Variants in OTUB2 observed in about 807,000 individuals in gnomAD.
OTUB2 encodes the protein ubiquitin thioesterase OTUB2.
In OTUB2, 21 loss-of-function variants were observed where a neutral mutation model predicts 25.1. The observed-to-expected ratio is 0.84, with a 90% CI of 0.59 to 1.21. OTUB2 has a LOEUF of 1.21. Ranked by LOEUF, OTUB2 falls within the 50% of genes most tolerant of loss-of-function variation. The pLI is 0.00. For synonymous variants in OTUB2, 122 were observed against 122.8 expected, an observed-to-expected ratio of 0.99 and a Z score of 0.04; for missense variants, 283 against 298.0, an observed-to-expected ratio of 0.95 and a Z score of 0.37.
chr14:94,035,172 C>T, intron 1 of OTUB2, among the ~76,000 whole-genome samples: 1 of 151,978 alleles, frequency 6.6e-6, no homozygotes, highest in Admixed American at 6.5e-5. Flanking sequence ...AGAGTGGAAG[C>T]TTCTGGAAGC....
At chr14:94,042,385 C>T (rs1885179108) in intron 3 of OTUB2, among the ~76,000 whole-genome samples, 1 of 151,830 alleles carries the variant, frequency 6.6e-6, no homozygotes, top group Non-Finnish European at 1.5e-5. Context: ...CCCCTTCTGA[C>T]AGAGCCTACG....
chr14:94,044,589 TAC>T lies in OTUB2; in HGVS notation c.309_310del (p.Tyr103Ter), dbSNP rs746417110. The stretch of plus-strand genomic sequence containing the variant: ...GCTGAGGGCCGGGCGGGCGCAGTTT[TAC>T]AGTGTGGTGGAACTGGTAGAGAAGG... ...HKFRNFFNAFYSVVELVEKDG... is the reference protein window; with the variant it reads ...HKFRNFFNAFXSVVELVEKDG... On this transcript the variant is annotated frameshift_variant, in exon 5 of 6. Transcript: ENST00000203664. LOFTEE classifies it high-confidence loss of function. The T allele has an allele frequency of 1.2e-6, 2 of 1,611,402 alleles. No homozygotes were observed. The highest frequency in any genetic ancestry group is 1.3e-5 in the African/African-American group (1 of 75,014).
Position 94,045,769 on chromosome 14 carries a change from G to T in OTUB2, c.552G>T (p.Ser184=). The T allele has an allele frequency of 6.2e-7, 1 of 1,614,174 alleles. No individual in the cohort carries two copies. Among genetic ancestry groups the T allele is most frequent in the Non-Finnish European group, 8.5e-7 (1 of 1,180,026 alleles). ...ACCACATCCAGATCACGGCGTTGTC[G>T]CAGGCCCTGAGCATTGCCCTGCAAG... ...ECDHIQITAL[S]QALSIALQVE... is the part of the protein sequence containing the mutation. The change falls in exon 6 of 6, where the codon TCG becomes TCT. Residue 184 remains serine (S), a synonymous_variant. Coordinates refer to ENST00000203664, the MANE Select transcript of OTUB2 (RefSeq NM_023112.4).
At chr14:94,039,748 C>A (rs1885124095) in intron 3 of OTUB2, among the ~76,000 whole-genome samples, 1 of 152,206 alleles carries the variant, frequency 6.6e-6, no homozygotes, top group Admixed American at 6.5e-5. Flanking sequence ...GGGCCTCAAA[C>A]CACGCTTTGA....
intron 1 of OTUB2, among the ~76,000 whole-genome samples, chr14:94,034,644 A>G (rs1408094167): frequency 2.0e-5 from 3 of 152,220 alleles, no homozygotes; most frequent in Non-Finnish European, 4.4e-5. Flanking sequence ...TAGTATTTGC[A>G]CAATAATGGC....
chr14:94,035,904 C>T (rs529819121), intron 1 of OTUB2, among the ~76,000 whole-genome samples: 1 of 152,218 alleles, frequency 6.6e-6, no homozygotes, highest in East Asian at 1.9e-4. Flanking sequence ...CCAAAAACAC[C>T]CCTGCCCAGT....
chr14:94,038,123 C>T (rs1302505808), intron 2 of OTUB2, among the ~76,000 whole-genome samples: 5 of 152,286 alleles, frequency 3.3e-5, no homozygotes, highest in East Asian at 1.9e-4. Flanking sequence ...CTCTCAGACA[C>T]GCAGCACCGT....
At chr14:94,026,608 A>C in intron 1 of OTUB2, 68 bp downstream of exon 1, 112 of 994,532 alleles carry the variant, frequency 1.1e-4, no homozygotes, top group Non-Finnish European at 1.4e-4. Flanking sequence ...TCGCTGCCGG[A>C]GCGGGTGCAC....
intron 3 of OTUB2, 86 bp from the exon 4 acceptor site, chr14:94,043,885 A>C (rs771470363): frequency 3.2e-6 from 4 of 1,234,050 alleles, no homozygotes; most frequent in Non-Finnish European, 4.8e-6. Context: ...TGGTGGGCGC[A>C]GTGGGTTGAG....
intron 3 of OTUB2, among the ~76,000 whole-genome samples, chr14:94,042,167 G>A (rs1438295837): frequency 6.6e-6 from 1 of 152,232 alleles, no homozygotes; most frequent in African/African-American, 2.4e-5. Flanking sequence ...TGGAGAACAC[G>A]CGCCGCCTCT....
chr14:94,026,411 G>GCCGCCCCCACGCCCTCGAGGTCC lies in OTUB2; in HGVS notation c.-121_-99dup. On this transcript the variant is annotated 5_prime_UTR_variant, in exon 1 of 6. Transcript: ENST00000203664. ...TGCGGAGCGGTCGGGTGTATTCTCC[G>GCCGCCCCCACGCCCTCGAGGTCC]CCGCCCCCACGCCCTCGAGGTCCCC... 1 of 1,284,962 alleles carries GCCGCCCCCACGCCCTCGAGGTCC rather than the reference G, an allele frequency of 7.8e-7. No homozygotes were observed. The highest frequency in any genetic ancestry group is 9.9e-7 in the Non-Finnish European group (1 of 1,014,804). 79.6% of individuals were successfully genotyped at this position (1,284,962 alleles called of 1,614,324 possible). A position where few individuals can be genotyped will look rare whatever the true frequency, so the allele number is the denominator to read the frequency against.
Position 94,043,952 on chromosome 14 carries a change from C to CA in OTUB2, c.219-18dup. On this transcript the variant is annotated intron_variant, in intron 3 of 5. Coordinates refer to ENST00000203664, the MANE Select transcript of OTUB2 (RefSeq NM_023112.4). ...CTCGCTGTGTTTCCCTGTAAACACT[C>CA]AGTCTTCCCCCTCTGTAGGTTCAAA... 1 of 1,609,842 alleles carries CA rather than the reference C, an allele frequency of 6.2e-7. No homozygotes were observed. The highest frequency in any genetic ancestry group is 8.5e-7 in the Non-Finnish European group (1 of 1,176,068).
At chr14:94,028,340 A>G (rs1312965540) in intron 1 of OTUB2, among the ~76,000 whole-genome samples, 3 of 152,154 alleles carry the variant, frequency 2.0e-5, no homozygotes, top group African/African-American at 7.2e-5. Flanking sequence ...TTGAACTTGC[A>G]TTGTGTGGAT....
chr14:94,036,330 C>G (rs564630301), intron 1 of OTUB2, among the ~76,000 whole-genome samples: 105 of 152,294 alleles, frequency 6.9e-4, no homozygotes, highest in African/African-American at 2.5e-3. Flanking sequence ...TTAACAGTGA[C>G]CATCCACAGT....
rs142734020 is a variant in OTUB2 at position 94,044,581 on chromosome 14, C to T, written c.304-5C>T. 475 of 1,603,126 alleles carry T rather than the reference C, an allele frequency of 3.0e-4. No homozygotes were observed. In the East Asian group the frequency reaches 6.0e-3, roughly 20 times the overall value. On this transcript the variant is annotated splice_polypyrimidine_tract_variant and splice_region_variant and intron_variant, in intron 4 of 5. Coordinates refer to ENST00000203664, the MANE Select transcript of OTUB2 (RefSeq NM_023112.4). Reference sequence around the variant, plus strand: ...CCTCCCTAGCTGAGGGCCGGGCGGGCGCAGTTTTACAGTGTGGTGGAACTG... The same window carrying T: ...CCTCCCTAGCTGAGGGCCGGGCGGGTGCAGTTTTACAGTGTGGTGGAACTG...
chr14:94,027,933 G>A (rs1447831327), intron 1 of OTUB2, among the ~76,000 whole-genome samples: 1 of 152,266 alleles, frequency 6.6e-6, no homozygotes, highest in African/African-American at 2.4e-5. Flanking sequence ...TCACCCACCA[G>A]GGAGTGGTGG....
intron 1 of OTUB2, among the ~76,000 whole-genome samples, chr14:94,030,873 AC>A (rs1390364742): frequency 6.6e-6 from 1 of 152,156 alleles, no homozygotes; most frequent in Non-Finnish European, 1.5e-5. Flanking sequence ...GAAACGGAAG[AC>A]AAGAAAATAG....
intron 3 of OTUB2, among the ~76,000 whole-genome samples, chr14:94,041,943 C>G (rs1463220231): frequency 6.6e-6 from 1 of 152,214 alleles, no homozygotes; most frequent in Non-Finnish European, 1.5e-5. Context: ...CTGGGGTGTT[C>G]CGTGCTAGCT....
intron 1 of OTUB2, among the ~76,000 whole-genome samples, chr14:94,036,767 T>C (rs1005921678): frequency 6.6e-6 from 1 of 152,186 alleles, no homozygotes; most frequent in Non-Finnish European, 1.5e-5. Flanking sequence ...GATGCCCTCC[T>C]GCCCTGTGCT....
Sources: gnomAD v4.1 joint callset for allele counts (sites outside exome capture counted in the v4.1 genomes callset) on GRCh38, gnomAD v4.1.1 for gene constraint, MANE v1.5 for transcripts, NCBI Gene and HGNC (gene_info 2026-07-23, HGNC 2026-07-21) for gene names.